Variants in ITPK1 observed in about 807,000 individuals in gnomAD.
The protein encoded by ITPK1 is inositol 1,3,4-trisphosphate 5/6-kinase.
ITPK1 carries 21 observed loss-of-function variants against 45.3 expected under a neutral mutation model. The ratio of observed to expected loss-of-function variants is 0.46; its 90% CI spans 0.33 to 0.67. The LOEUF is 0.67. Ranked by LOEUF, ITPK1 falls within the 30% of genes least tolerant of loss-of-function variation. The pLI, the probability that ITPK1 is intolerant of heterozygous loss-of-function variation, is 0.02. For missense variants in ITPK1, 474 were observed against 573.5 expected, an observed-to-expected ratio of 0.83 and a Z score of 1.77; for synonymous variants, 258 against 253.6, an observed-to-expected ratio of 1.02 and a Z score of -0.16.
At chr14:92,942,181 C>A (rs1359115261) in intron 10 of ITPK1, among the ~76,000 whole-genome samples, 1 of 152,166 alleles carries the variant, frequency 6.6e-6, no homozygotes, top group Non-Finnish European at 1.5e-5. Flanking sequence ...CTTGCTTGTC[C>A]CTGTTCCTCT....
Position 92,942,864 on chromosome 14 carries a change from G to A in ITPK1, c.902-960C>T, listed in dbSNP as rs554879140. On this transcript the variant is annotated intron_variant, in intron 10 of 10. Transcript: ENST00000267615. Reference sequence around the variant, plus strand: ...CCTGCCTGAGCCAACTTGGAGGGGCGGGAGTTTTCAAAAACCCTGGGCTGT... The same window carrying A: ...CCTGCCTGAGCCAACTTGGAGGGGCAGGAGTTTTCAAAAACCCTGGGCTGT... Among the ~76,000 whole-genome samples, 12 of 152,324 alleles carry A rather than the reference G, an allele frequency of 7.9e-5. 1 individual carries two copies. In the South Asian group the frequency reaches 1.4e-3, roughly 18 times the overall value.
Position 92,958,132 on chromosome 14 carries a change from C to G in ITPK1, c.670+69G>C. On this transcript the variant is annotated intron_variant, in intron 8 of 10. Transcript: ENST00000267615. The surrounding 1 kb of genome is among the most constrained non-coding windows in gnomAD (Gnocchi z 4.4). ...GGTTGGGGCAGTGCCGAAGGACAGA[C>G]AGCTGCTGCCACATCCCAGCTGGGC... The G allele has an allele frequency of 6.7e-7, 1 of 1,501,086 alleles. No homozygotes were observed. Among genetic ancestry groups the G allele is most frequent in the Non-Finnish European group, 9.3e-7 (1 of 1,079,376 alleles). The allele number at this position is 1,501,086 out of a possible 1,614,324, so 93.0% of individuals were successfully genotyped here. A position where few individuals can be genotyped will look rare whatever the true frequency, so the allele number is the denominator to read the frequency against.
At chr14:93,090,383 T>C (rs1237105829) in intron 2 of ITPK1, among the ~76,000 whole-genome samples, 1 of 151,964 alleles carries the variant, frequency 6.6e-6, no homozygotes, top group Non-Finnish European at 1.5e-5. Flanking sequence ...GAACCCAGGG[T>C]GTTGGAAAGG....
At chr14:92,973,604 G>T (rs867241807) in intron 5 of ITPK1, among the ~76,000 whole-genome samples, 2 of 152,242 alleles carry the variant, frequency 1.3e-5, no homozygotes, top group African/African-American at 4.8e-5. Flanking sequence ...AGACAGGGAA[G>T]ATGTTCTGTG....
intron 5 of ITPK1, among the ~76,000 whole-genome samples, chr14:92,966,919 C>T (rs1885399649): frequency 6.6e-6 from 1 of 152,252 alleles, no homozygotes; most frequent in African/African-American, 2.4e-5. Flanking sequence ...TGGAACCCTA[C>T]TTCACATCGT....
Position 93,032,306 on chromosome 14 carries a change from C to T in ITPK1, c.121-15505G>A, listed in dbSNP as rs568693945. 2.0e-5 allele frequency among the ~76,000 whole-genome samples: 3 copies of T among 152,144 alleles called. No individual in the cohort carries two copies. The East Asian group carries it at 5.8e-4, about 29-fold the overall frequency. Reference sequence around the variant, plus strand: ...CGGAGGTTGCAGTGAGCCGAGATTACGCCACTGCACTCCAGGCTGGGCGAC... The same window carrying T: ...CGGAGGTTGCAGTGAGCCGAGATTATGCCACTGCACTCCAGGCTGGGCGAC... On this transcript the variant is annotated intron_variant, in intron 3 of 10. Transcript: ENST00000267615. The surrounding 1 kb of genome is among the most constrained non-coding windows in gnomAD (Gnocchi z 4.0).
At chr14:93,081,195 A>AT (rs1182826660) in intron 2 of ITPK1, among the ~76,000 whole-genome samples, 1 of 151,736 alleles carries the variant, frequency 6.6e-6, no homozygotes, top group African/African-American at 2.4e-5. Context: ...TTAGCTGGGC[A>AT]TAACAGCAGG....
intron 3 of ITPK1, among the ~76,000 whole-genome samples, chr14:93,023,299 T>C (rs1220050039): frequency 2.0e-5 from 3 of 152,230 alleles, no homozygotes; most frequent in Non-Finnish European, 2.9e-5. Flanking sequence ...TGCCGTTTCC[T>C]GGGCAGAGCA....
At chr14:93,028,841 T>C (rs2139884401) in intron 3 of ITPK1, among the ~76,000 whole-genome samples, 1 of 152,308 alleles carries the variant, frequency 6.6e-6, no homozygotes, top group African/African-American at 2.4e-5. Context: ...GGCTCCTCCC[T>C]CCCATTGAGA....
chr14:93,109,244 A>G (rs923322299), intron 2 of ITPK1, among the ~76,000 whole-genome samples: 23 of 152,248 alleles, frequency 1.5e-4, no homozygotes, highest in Non-Finnish European at 2.1e-4. Flanking sequence ...TGAAGCAGCG[A>G]TGTGGAGTTT....
intron 5 of ITPK1, among the ~76,000 whole-genome samples, chr14:92,976,170 A>G (rs1263121357): frequency 6.6e-6 from 1 of 152,192 alleles, no homozygotes; most frequent in African/African-American, 2.4e-5. Flanking sequence ...ACAGACTATA[A>G]CTTACACCAC....
Position 92,938,528 on chromosome 14 carries a change from T to C in ITPK1, c.*3033A>G. On this transcript the variant is annotated 3_prime_UTR_variant, in exon 11 of 11. Transcript: ENST00000267615. ...CTATAAAGCACACTTGGCAGTCCCC[T>C]GGGTACAGAGAGGAATGTTTTTCCC... The C allele has an allele frequency of 1.9e-6, 3 of 1,612,268 alleles. No homozygotes were observed. The highest frequency in any genetic ancestry group is 2.5e-6 in the Non-Finnish European group (3 of 1,178,302).
intron 3 of ITPK1, among the ~76,000 whole-genome samples, chr14:93,067,120 C>G (rs1177941040): frequency 6.6e-6 from 1 of 152,244 alleles, no homozygotes; most frequent in African/African-American, 2.4e-5. Context: ...CTGGCCCTTT[C>G]TAAAACCCCC....
intron 3 of ITPK1, among the ~76,000 whole-genome samples, chr14:93,061,974 C>T (rs2749508): frequency 0.34 from 51,414 of 152,084 alleles, 9,328 homozygotes; most frequent in East Asian, 0.53. Context: ...AGAACCACAA[C>T]TTTGTTTACA....
rs568704116 is a variant in ITPK1, at chr14:93,079,892, C to T, written c.96-3273G>A. Among the ~76,000 whole-genome samples, 6 of 152,298 alleles carry T rather than the reference C, an allele frequency of 3.9e-5. No individual in the cohort carries two copies. The East Asian group carries it at 1.2e-3, about 29-fold the overall frequency. On this transcript the variant is annotated intron_variant, in intron 2 of 10. Coordinates refer to ENST00000267615, the MANE Select transcript of ITPK1 (RefSeq NM_014216.6). ...ACTGTTCCTCCTGAAAACCCTGGCTCCATGATCCCACCTCATCACCCCACA... is the reference window on the plus strand; with the variant it reads ...ACTGTTCCTCCTGAAAACCCTGGCTTCATGATCCCACCTCATCACCCCACA...
chr14:93,103,352 G>A (rs1892398970), intron 2 of ITPK1, among the ~76,000 whole-genome samples: 1 of 151,620 alleles, frequency 6.6e-6, no homozygotes, highest in African/African-American at 2.4e-5. Flanking sequence ...CCGGGAGGCA[G>A]AGGTTGCAGT....
At chr14:92,951,154 C>G (rs1347787793) in intron 9 of ITPK1, among the ~76,000 whole-genome samples, 1 of 152,246 alleles carries the variant, frequency 6.6e-6, no homozygotes, top group Non-Finnish European at 1.5e-5. Flanking sequence ...ATCCTCAGAA[C>G]AGCAGGCTCC....
chr14:93,093,724 T>C (rs1446327376), intron 2 of ITPK1, among the ~76,000 whole-genome samples: 1 of 152,194 alleles, frequency 6.6e-6, no homozygotes, highest in African/African-American at 2.4e-5. Context: ...AGGTTGCTAA[T>C]GAGTCCTCAG....
intron 3 of ITPK1, among the ~76,000 whole-genome samples, chr14:93,060,694 G>C (rs986020291): frequency 2.0e-5 from 3 of 152,156 alleles, no homozygotes; most frequent in African/African-American, 7.2e-5. Context: ...CTGGGGAAGG[G>C]GCAGGGGATG....
Sources: gnomAD v4.1 joint callset for allele counts (sites outside exome capture counted in the v4.1 genomes callset) on GRCh38, gnomAD v4.1.1 for gene constraint, Gnocchi (gnomAD v3.1) non-coding constraint, MANE v1.5 for transcripts, NCBI Gene and HGNC (gene_info 2026-07-23, HGNC 2026-07-21) for gene names.